AGBL4: variants seen among roughly 807,000 people sequenced by gnomAD.
AGBL4 encodes the protein AGBL carboxypeptidase 4, also known as cytosolic carboxypeptidase 6.
In AGBL4, 58 loss-of-function variants were observed where a neutral mutation model predicts 66.4. The ratio of observed to expected loss-of-function variants is 0.87; its 90% CI spans 0.71 to 1.09. AGBL4 has a LOEUF of 1.09. Ranked by LOEUF, AGBL4 falls within the 50% of genes least tolerant of loss-of-function variation. The probability of loss-of-function intolerance (pLI) is 0.00; values close to 1 mark genes in which losing one functional copy is unlikely to be tolerated. For synonymous variants in AGBL4, 234 were observed against 222.9 expected (o/e 1.05, Z -0.44); for missense variants, 579 against 631.0 (o/e 0.92, Z 0.88).
chr1:49,022,011 A>C (rs1456854775), intron 5 of AGBL4, among the ~76,000 whole-genome samples: 1 of 152,216 alleles, frequency 6.6e-6, no homozygotes, highest in Admixed American at 6.5e-5. Flanking sequence ...AAGATTGAGT[A>C]ATATTCTGCT....
chr1:49,786,754 A>G (rs1413127078), intron 2 of AGBL4, among the ~76,000 whole-genome samples: 1 of 152,138 alleles, frequency 6.6e-6, no homozygotes, highest in Admixed American at 6.5e-5. Context: ...GCTTTAGTTT[A>G]TCTCCCTTTT....
intron 2 of AGBL4, among the ~76,000 whole-genome samples, chr1:49,774,878 T>C (rs1354474141): frequency 2.6e-5 from 4 of 152,274 alleles, no homozygotes; most frequent in African/African-American, 7.2e-5. Flanking sequence ...ACACCACTTT[T>C]AGGAACATAA....
chr1:48,761,171 GCAAATACACA>G, intron 6 of AGBL4: 1 of 750,712 alleles, frequency 1.3e-6, no homozygotes, highest in East Asian at 2.8e-5. Context: ...GGCCAGCAAG[GCAAATACACA>G]CGAGTTGTCC....
chr1:48,873,968 G>A (rs1316012116), intron 5 of AGBL4, among the ~76,000 whole-genome samples: 2 of 152,136 alleles, frequency 1.3e-5, no homozygotes, highest in African/African-American at 4.8e-5. Context: ...GGGGTTCTGC[G>A]TGGTAGAAGA....
intron 3 of AGBL4, among the ~76,000 whole-genome samples, chr1:49,632,732 T>C (rs1278874665): frequency 1.3e-5 from 2 of 152,090 alleles, no homozygotes; most frequent in African/African-American, 2.4e-5. Flanking sequence ...TTTGTCATAG[T>C]AAGAAAAAAC....
At chr1:49,207,343 G>A (rs1351664089) in intron 4 of AGBL4, among the ~76,000 whole-genome samples, 6 of 152,006 alleles carry the variant, frequency 3.9e-5, no homozygotes, top group Non-Finnish European at 2.9e-5. Flanking sequence ...AGCCAGGATG[G>A]TGCTCCATTG....
At chr1:49,632,225 T>G (rs530643050) in intron 3 of AGBL4, among the ~76,000 whole-genome samples, 19 of 152,334 alleles carry the variant, frequency 1.2e-4, no homozygotes, top group African/African-American at 3.8e-4. Context: ...AGTCTGGGAA[T>G]ATGGTGACAT....
At chr1:49,893,979 G>A (rs569907538) in intron 1 of AGBL4, among the ~76,000 whole-genome samples, 1 of 152,296 alleles carries the variant, frequency 6.6e-6, no homozygotes, top group South Asian at 2.1e-4. Context: ...TAGTCACACT[G>A]ATGCTCATGT....
chr1:49,258,355 T>G (rs1294255291), intron 3 of AGBL4, among the ~76,000 whole-genome samples: 1 of 152,054 alleles, frequency 6.6e-6, no homozygotes, highest in Non-Finnish European at 1.5e-5. Context: ...ATCAAACTAC[T>G]CCGAGCTACA....
At chr1:48,850,162 T>A (rs894813969) in intron 6 of AGBL4, among the ~76,000 whole-genome samples, 1 of 152,158 alleles carries the variant, frequency 6.6e-6, no homozygotes, top group Non-Finnish European at 1.5e-5. Context: ...CCGACTATAC[T>A]TTGAGAACAA....
chr1:49,156,781 C>T (rs535304672), intron 4 of AGBL4, among the ~76,000 whole-genome samples: 1 of 152,202 alleles, frequency 6.6e-6, no homozygotes, highest in South Asian at 2.1e-4. Context: ...TTATTTATCA[C>T]ACATGCTAAC....
At chr1:49,308,546 G>A (rs1644889540) in intron 3 of AGBL4, among the ~76,000 whole-genome samples, 1 of 152,096 alleles carries the variant, frequency 6.6e-6, no homozygotes, top group South Asian at 2.1e-4. Flanking sequence ...TATACTCTAA[G>A]TCACATGGCA....
At chr1:49,163,831 T>A (rs1476614106) in intron 4 of AGBL4, among the ~76,000 whole-genome samples, 1 of 152,010 alleles carries the variant, frequency 6.6e-6, no homozygotes, top group African/African-American at 2.4e-5. Context: ...CCTCAAAAGA[T>A]AGAAAGGATC....
At chr1:49,153,371 C>T (rs899548477) in intron 4 of AGBL4, among the ~76,000 whole-genome samples, 39 of 152,118 alleles carry the variant, frequency 2.6e-4, no homozygotes, top group African/African-American at 9.2e-4. Flanking sequence ...GATCATGACA[C>T]GGCACTCAGG....
intron 1 of AGBL4, among the ~76,000 whole-genome samples, chr1:49,910,660 A>G (rs1393593122): frequency 6.6e-6 from 1 of 151,836 alleles, no homozygotes; most frequent in Admixed American, 6.6e-5. Flanking sequence ...TGAAGAATAA[A>G]AAAAAAAAGA....
At chr1:49,364,297 A>G (rs959408193) in intron 3 of AGBL4, among the ~76,000 whole-genome samples, 2 of 152,126 alleles carry the variant, frequency 1.3e-5, no homozygotes, top group Non-Finnish European at 2.9e-5. Flanking sequence ...GCAGACCTGC[A>G]CTCCAATTCC....
At chr1:49,078,682 G>T (rs902616689) in intron 4 of AGBL4, among the ~76,000 whole-genome samples, 6 of 151,810 alleles carry the variant, frequency 4.0e-5, no homozygotes, top group Admixed American at 1.3e-4. Flanking sequence ...TTTCTTCTGG[G>T]CCACTGTAGC....
rs1347835324 is a variant in AGBL4 at position 48,663,228 on chromosome 1, T to C, written c.648A>G (p.Glu216=). 5 of 1,613,874 alleles carry C rather than the reference T, an allele frequency of 3.1e-6. No homozygotes were observed. The highest frequency in any genetic ancestry group is 4.2e-6 in the Non-Finnish European group (5 of 1,179,826). ...TGAATACCACCTTCTGCTCTGCCCC[T>C]TCCCGGAGATTGTCTGTAAGATAAA... ...LTITSPDNLR[E]GAEQKVVFIT... The change falls in exon 7 of 14, where the codon GAA becomes GAG. Residue 216 remains glutamate (E), a synonymous_variant. Transcript: ENST00000371839.
intron 10 of AGBL4, among the ~76,000 whole-genome samples, chr1:48,589,643 A>C (rs540539961): frequency 7.2e-5 from 11 of 152,308 alleles, no homozygotes; most frequent in African/African-American, 2.6e-4. Flanking sequence ...TGAGATTGGT[A>C]GTAACAGCAA....
Sources: gnomAD v4.1 joint callset for allele counts (sites outside exome capture counted in the v4.1 genomes callset) on GRCh38, gnomAD v4.1.1 for gene constraint, MANE v1.5 for transcripts, NCBI Gene and HGNC (gene_info 2026-07-23, HGNC 2026-07-21) for gene names.